The following PLAG1 variants were observed in gnomAD, a reference collection of about 807,000 sequenced individuals.
The protein encoded by PLAG1 is PLAG1 zinc finger, also known as zinc finger protein PLAG1.
PLAG1 carries 7 observed loss-of-function variants against 35.5 expected under a neutral mutation model. The observed-to-expected ratio is 0.20, with a 90% CI of 0.11 to 0.37. The LOEUF (loss-of-function observed/expected upper bound fraction) is 0.37. Ranked by LOEUF, PLAG1 falls within the 10% of genes least tolerant of loss-of-function variation. The probability of loss-of-function intolerance (pLI) is 1.00; values close to 1 mark genes in which losing one functional copy is unlikely to be tolerated. For synonymous variants in PLAG1, 229 were observed against 225.4 expected (o/e 1.02, Z -0.14); for missense variants, 454 against 602.8 (o/e 0.75, Z 2.58).
Position 56,181,965 on chromosome 8 carries a change from G to A in PLAG1, c.-321-2452C>T, listed in dbSNP as rs567626817. Among the ~76,000 whole-genome samples the A allele has an allele frequency of 6.3e-4, 96 of 152,310 alleles. 1 individual carries two copies. The Middle Eastern group carries it at 0.01, about 16-fold the overall frequency. On this transcript the variant is annotated intron_variant, in intron 1 of 4. Transcript: ENST00000316981. Reference sequence around the variant, plus strand: ...TGTGTGTGGTTGTAGGGGAGGGCATGACTGCCAAAAAAGAAGTCAGAGATT... The same window carrying A: ...TGTGTGTGGTTGTAGGGGAGGGCATAACTGCCAAAAAAGAAGTCAGAGATT...
intron 3 of PLAG1, among the ~76,000 whole-genome samples, chr8:56,169,909 T>C (rs1251497592): frequency 6.6e-6 from 1 of 152,206 alleles, no homozygotes; most frequent in Non-Finnish European, 1.5e-5. Context: ...AACTTCCTTA[T>C]ATCACCTGTG....
At chr8:56,191,083 C>G (rs1157482288) in intron 1 of PLAG1, among the ~76,000 whole-genome samples, 1 of 152,150 alleles carries the variant, frequency 6.6e-6, no homozygotes, top group Non-Finnish European at 1.5e-5. Flanking sequence ...GCCAAACGAC[C>G]ACAGGCCCTG....
At chr8:56,188,271 G>A (rs1812081655) in intron 1 of PLAG1, among the ~76,000 whole-genome samples, 2 of 152,126 alleles carry the variant, frequency 1.3e-5, no homozygotes, top group Admixed American at 6.5e-5. Context: ...TTTGGTATGC[G>A]GGGAAGATGC....
chr8:56,193,085 A>C (rs535435018), intron 1 of PLAG1, among the ~76,000 whole-genome samples: 1 of 152,316 alleles, frequency 6.6e-6, no homozygotes, highest in South Asian at 2.1e-4. Flanking sequence ...AAAACTCACT[A>C]GATATTAAGG....
intron 1 of PLAG1, among the ~76,000 whole-genome samples, chr8:56,207,495 TCTATTTA>T (rs899103820): frequency 2.1e-4 from 32 of 152,046 alleles, no homozygotes; most frequent in African/African-American, 7.2e-4. Context: ...GCTATAAATA[TCTATTTA>T]CTATTTACTA....
chr8:56,170,100 C>T (rs1811477057), intron 3 of PLAG1, among the ~76,000 whole-genome samples: 1 of 152,196 alleles, frequency 6.6e-6, no homozygotes, highest in African/African-American at 2.4e-5. Flanking sequence ...TGTTTCTAAA[C>T]AGGCAAAATA....
At chr8:56,179,024 A>C (rs1037195506) in intron 2 of PLAG1, among the ~76,000 whole-genome samples, 2 of 64,170 alleles carry the variant, frequency 3.1e-5, no homozygotes, top group African/African-American at 1.3e-4. Flanking sequence ...CCCAGGAGAC[A>C]AAAAAAAAAA....
At chr8:56,177,617 G>T (rs1466540411) in intron 2 of PLAG1, among the ~76,000 whole-genome samples, 2 of 152,124 alleles carry the variant, frequency 1.3e-5, no homozygotes, top group African/African-American at 4.8e-5. Context: ...CATCTGCAGG[G>T]ATACTATTAT....
rs888600897 is a variant in PLAG1 at position 56,161,729 on chromosome 8, A to T, written c.*4514T>A. ...ACCTAATGTAGTCCTTTTTCTATGG[A>T]TAAAAAAATACGACTGAATGAGACA... is the stretch of plus-strand genomic sequence containing the variant. On this transcript the variant is annotated 3_prime_UTR_variant, in exon 5 of 5. Transcript: ENST00000316981. 2.6e-5 allele frequency: 6 copies of T among 228,922 alleles called. No homozygotes were observed. Among genetic ancestry groups the T allele is most frequent in the Non-Finnish European group, 5.2e-5 (6 of 115,114 alleles). The allele number at this position is 228,922 out of a possible 1,614,324, so 14.2% of individuals were successfully genotyped here.
chr8:56,165,206 T>C lies in PLAG1; in HGVS notation c.*1037A>G, dbSNP rs1811317580. The C allele has an allele frequency of 4.7e-6, 1 of 213,098 alleles. No individual in the cohort carries two copies. Among genetic ancestry groups the C allele is most frequent in the African/African-American group, 2.3e-5 (1 of 44,170 alleles). 13.2% of individuals were successfully genotyped at this position (213,098 alleles called of 1,614,324 possible). On this transcript the variant is annotated 3_prime_UTR_variant, in exon 5 of 5. Transcript: ENST00000316981. ...ACAGGGGCCATGATCCCTACACAAG[T>C]TCCCAAATGTAACCATGTGCTTCAC...
intron 1 of PLAG1, among the ~76,000 whole-genome samples, chr8:56,191,006 G>A (rs536093268): frequency 5.3e-5 from 8 of 152,128 alleles, no homozygotes; most frequent in East Asian, 1.9e-4. Context: ...GTGGGAGCCC[G>A]GCGCTACGGA....
At chr8:56,199,734 C>CA (rs1181752671) in intron 1 of PLAG1, among the ~76,000 whole-genome samples, 6 of 152,184 alleles carry the variant, frequency 3.9e-5, no homozygotes, top group South Asian at 2.1e-4. Flanking sequence ...CACCACCCCC[C>CA]CCGATCCTCC....
chr8:56,175,802 A>G (rs1811669710), intron 2 of PLAG1, among the ~76,000 whole-genome samples: 2 of 152,140 alleles, frequency 1.3e-5, no homozygotes, highest in African/African-American at 4.8e-5. Flanking sequence ...AATGAATTCC[A>G]AAGTGGAATC....
intron 1 of PLAG1, among the ~76,000 whole-genome samples, chr8:56,189,176 C>A (rs1420383607): frequency 6.6e-6 from 1 of 152,178 alleles, no homozygotes; most frequent in Non-Finnish European, 1.5e-5. Flanking sequence ...ATGCTGTTGG[C>A]CAAATGAACC....
intron 1 of PLAG1, among the ~76,000 whole-genome samples, chr8:56,183,032 A>G (rs1448446453): frequency 1.3e-5 from 2 of 152,198 alleles, no homozygotes; most frequent in Non-Finnish European, 2.9e-5. Context: ...GAAGAATGAG[A>G]AAGGAGAATG....
At chr8:56,180,401 G>A (rs551769910) in intron 1 of PLAG1, among the ~76,000 whole-genome samples, 53 of 152,194 alleles carry the variant, frequency 3.5e-4, no homozygotes, top group South Asian at 1.0e-3. Flanking sequence ...TCCCTGTTCC[G>A]TAGGAGCACA....
rs1373551979 is a variant in PLAG1, at chr8:56,166,749, T to G, written c.997A>C (p.Lys333Gln). The G allele has an allele frequency of 6.2e-7, 1 of 1,614,082 alleles. No homozygotes were observed. Among genetic ancestry groups the G allele is most frequent in the Non-Finnish European group, 8.5e-7 (1 of 1,179,996 alleles). The change falls in exon 5 of 5, where the codon AAA becomes CAA. Residue 333 changes from lysine to glutamine, a missense_variant. Coordinates refer to ENST00000316981, the MANE Select transcript of PLAG1 (RefSeq NM_002655.3). ...TATGAGGTAGAACTGAACGGATATT[T>G]GAAAGAAAGGTGGTGAGAGGGATGA... is the stretch of plus-strand genomic sequence containing the variant. ...TVHPSHHLSFKYPFSSTSYAI... is the reference protein window; with the variant it reads ...TVHPSHHLSFQYPFSSTSYAI...
chr8:56,203,021 T>C (rs567872057), intron 1 of PLAG1, among the ~76,000 whole-genome samples: 3 of 152,256 alleles, frequency 2.0e-5, no homozygotes, highest in Admixed American at 2.0e-4. Flanking sequence ...ACAACAGACA[T>C]TCAACCAAGT....
At chr8:56,207,321 A>C (rs987231047) in intron 1 of PLAG1, among the ~76,000 whole-genome samples, 9 of 151,994 alleles carry the variant, frequency 5.9e-5, no homozygotes, top group African/African-American at 2.2e-4. Flanking sequence ...TTTAATCCTT[A>C]GAAAGGAAAA....
Sources: allele counts gnomAD v4.1 joint callset (sites outside exome capture counted in the v4.1 genomes callset), GRCh38; gene constraint gnomAD v4.1.1; transcripts MANE v1.5; gene names NCBI Gene and HGNC (gene_info 2026-07-23, HGNC 2026-07-21).